MINDY2: variants seen among roughly 807,000 people sequenced by gnomAD.
The protein encoded by MINDY2 is MINDY lysine 48 deubiquitinase 2, also known as ubiquitin carboxyl-terminal hydrolase MINDY-2.
In MINDY2, 52 loss-of-function variants were observed where a neutral mutation model predicts 68.2. The observed-to-expected ratio is 0.76, with a 90% confidence interval of 0.61 to 0.96. The LOEUF (loss-of-function observed/expected upper bound fraction) is 0.96, where lower values mean the gene tolerates loss of function less well. Among genes scored for constraint, MINDY2 ranks in the 40% least tolerant of loss-of-function variants. The pLI is 0.00. For missense variants in MINDY2, 881 were observed against 773.4 expected (o/e 1.14, Z -1.65); for synonymous variants, 372 against 303.0 (o/e 1.23, Z -2.36).
chr15:58,778,275 A>C (rs1567036435), intron 1 of MINDY2, among the ~76,000 whole-genome samples: 1 of 152,172 alleles, frequency 6.6e-6, no homozygotes, highest in African/African-American at 2.4e-5. Context: ...AAATGAATGC[A>C]CTAATTTAAG....
In MINDY2 at chr15:58,847,339, G is replaced by A. The variant is rs2032586308; in HGVS notation, c.1411G>A (p.Glu471Lys). ...GGTAACGGACCAGGGGTTTCTTACT[G>A]AAGAGAAAGTTGTTTGGGAAAGCCT... is the stretch of plus-strand genomic sequence containing the variant. ...LLVTDQGFLTEEKVVWESLHN... is the reference protein window; with the variant it reads ...LLVTDQGFLTKEKVVWESLHN... Residue 471 changes from glutamate to lysine, a missense_variant, in exon 7 of 9, where the codon GAA becomes AAA. Physicochemically the swap from Glu to Lys is moderately conservative, Grantham distance 56. Transcript: ENST00000559228. The A allele has an allele frequency of 6.3e-7, 1 of 1,596,358 alleles. No individual in the cohort carries two copies. The highest frequency in any genetic ancestry group is 8.6e-7 in the Non-Finnish European group (1 of 1,166,574).
At position 58,858,875 on chromosome 15, in the gene MINDY2, C is replaced by T. The variant is rs1044229168; in HGVS notation, c.*4265C>T. 2.0e-5 allele frequency: 3 copies of T among 151,960 alleles called. No homozygotes were observed. Among genetic ancestry groups the T allele is most frequent in the Non-Finnish European group, 2.9e-5 (2 of 67,950 alleles). The allele number at this position is 151,960 out of a possible 1,614,324, so 9.4% of individuals were successfully genotyped here. ...TCTAGATCATTTTGTGTCTATAAACCCGACTTTCTATCTTGCCTTGGGCAA... is the reference window on the plus strand; with the variant it reads ...TCTAGATCATTTTGTGTCTATAAACTCGACTTTCTATCTTGCCTTGGGCAA... On this transcript the variant is annotated 3_prime_UTR_variant, in exon 9 of 9. Transcript: ENST00000559228.
At chr15:58,844,137 T>G (rs2032409794) in intron 6 of MINDY2, among the ~76,000 whole-genome samples, 1 of 152,182 alleles carries the variant, frequency 6.6e-6, no homozygotes, top group Non-Finnish European at 1.5e-5. Flanking sequence ...GCAAGAAATA[T>G]TCTTGATAGT....
intron 6 of MINDY2, among the ~76,000 whole-genome samples, chr15:58,838,731 C>T (rs993258104): frequency 4.4e-4 from 67 of 151,730 alleles, no homozygotes; most frequent in South Asian, 1.5e-3. Flanking sequence ...GGATTACAGG[C>T]GGGTACCACC....
rs1162042668 is a variant in MINDY2, at chr15:58,771,800, C to T, written c.405C>T (p.Leu135=). ...GAGACGCGGGAGCCCGCCCGGATCT[C>T]GCCGGCACCTGCCAAGCAGAACTGA... ...TAGDAGARPD[L]AGTCQAELTA... Residue 135 remains leucine, a synonymous_variant, in exon 1 of 9, where the codon CTC becomes CTT. Transcript: ENST00000559228. 1.2e-6 allele frequency: 2 copies of T among 1,609,948 alleles called. No homozygotes were observed. The highest frequency in any genetic ancestry group is 1.7e-6 in the Non-Finnish European group (2 of 1,178,916).
At chr15:58,849,145 A>G (rs1000150256) in intron 7 of MINDY2, among the ~76,000 whole-genome samples, 1 of 150,186 alleles carries the variant, frequency 6.7e-6, no homozygotes, top group Admixed American at 6.6e-5. Context: ...AGGGGGCGGA[A>G]GTTGCAGTGA....
Position 58,854,677 on chromosome 15 carries a change from A to G in MINDY2, c.*67A>G. 1 of 1,528,892 alleles carries G rather than the reference A, an allele frequency of 6.5e-7. No homozygotes were observed. Among genetic ancestry groups the G allele is most frequent in the South Asian group, 1.2e-5 (1 of 80,180 alleles). 94.7% of individuals were successfully genotyped at this position (1,528,892 alleles called of 1,614,324 possible). On this transcript the variant is annotated 3_prime_UTR_variant, in exon 9 of 9. Transcript: ENST00000559228. ...AACAAAACCACAGGAGGAAAGGAAG[A>G]AAAACCGATCAATACCGTCTGTGCC...
intron 6 of MINDY2, among the ~76,000 whole-genome samples, chr15:58,839,036 C>G (rs185668684): frequency 2.0e-4 from 31 of 152,226 alleles, no homozygotes; most frequent in Admixed American, 1.8e-3. Flanking sequence ...AGTTTCTTTA[C>G]TGGTTGTACC....
At chr15:58,808,389 C>G in intron 3 of MINDY2, among the ~76,000 whole-genome samples, 1 of 152,114 alleles carries the variant, frequency 6.6e-6, no homozygotes, top group Middle Eastern at 3.2e-3. Context: ...TCCCTTAATC[C>G]TTGGCAACCA....
chr15:58,821,169 T>C lies in MINDY2; in HGVS notation c.1123-548T>C, dbSNP rs573040182. On this transcript the variant is annotated intron_variant, in intron 4 of 8. Transcript: ENST00000559228. ...GCATATCCCATCCCCCATTAACATATATTAACTTTTCTTCAGGAAAATAAC... is the reference window on the plus strand; with the variant it reads ...GCATATCCCATCCCCCATTAACATACATTAACTTTTCTTCAGGAAAATAAC... Among the ~76,000 whole-genome samples the C allele has an allele frequency of 2.0e-3, 308 of 151,934 alleles. 2 individuals are homozygous for C. The highest frequency in any genetic ancestry group is 7.0e-3 in the African/African-American group (289 of 41,538).
chr15:58,831,041 G>GTGTGTGTGTATATATATATA lies in MINDY2; in HGVS notation c.1226-732_1226-731insGTGTGTGTATATATATATAT, dbSNP rs565786025. On this transcript the variant is annotated intron_variant, in intron 5 of 8. Transcript: ENST00000559228. ...TGTGTGTGTGTGTGTGTGTGTGTGT[G>GTGTGTGTGTATATATATATA]TATATATATATATATATATGTTTTA... Among the ~76,000 whole-genome samples the GTGTGTGTGTATATATATATA allele has an allele frequency of 7.2e-5, 9 of 124,920 alleles. No individual in the cohort carries two copies. In the South Asian group the frequency reaches 1.0e-3, roughly 14 times the overall value. 82.0% of individuals were successfully genotyped at this position (124,920 alleles called of 152,430 possible). A position where few individuals can be genotyped will look rare whatever the true frequency, so the allele number is the denominator to read the frequency against.
At chr15:58,847,240 A>T in intron 6 of MINDY2, 57 bp from the exon 7 acceptor site, 1 of 1,339,540 alleles carries the variant, frequency 7.5e-7, no homozygotes, top group Non-Finnish European at 1.0e-6. Flanking sequence ...CTTAAATATT[A>T]TATTACTAGT....
chr15:58,831,041 G>GTGTGTGTATATATATA (rs565786025), intron 5 of MINDY2, among the ~76,000 whole-genome samples: 98 of 124,906 alleles, frequency 7.8e-4, no homozygotes, highest in Admixed American at 3.7e-3. Context: ...GTGTGTGTGT[G>GTGTGTGTATATATATA]TATATATATA....
rs577627314 is a variant in MINDY2 at position 58,796,291 on chromosome 15, A to G, written c.899-6022A>G. On this transcript the variant is annotated intron_variant, in intron 2 of 8. Coordinates refer to ENST00000559228, the MANE Select transcript of MINDY2 (RefSeq NM_001040450.3). Reference sequence around the variant, plus strand: ...TTGAGGGTTAGTTGGAAACTATCTTAAGCTCAAGCTAGAGGTGGAAATATG... The same window carrying G: ...TTGAGGGTTAGTTGGAAACTATCTTGAGCTCAAGCTAGAGGTGGAAATATG... 34 of 358,368 alleles carry G rather than the reference A, an allele frequency of 9.5e-5. No homozygotes were observed. The East Asian group carries it at 2.5e-3, about 26-fold the overall frequency. 22.2% of individuals were successfully genotyped at this position (358,368 alleles called of 1,614,324 possible).
chr15:58,839,424 C>G (rs1482949431), intron 6 of MINDY2, among the ~76,000 whole-genome samples: 6 of 152,080 alleles, frequency 3.9e-5, no homozygotes, highest in African/African-American at 9.7e-5. Flanking sequence ...CTCCACCTCC[C>G]CGGTTCAAGT....
At chr15:58,818,365 C>T (rs189155586) in intron 4 of MINDY2, among the ~76,000 whole-genome samples, 14 of 152,280 alleles carry the variant, frequency 9.2e-5, no homozygotes, top group Admixed American at 2.6e-4. Flanking sequence ...CTTAAGCAAT[C>T]CTGTCTCAGC....
chr15:58,773,227 A>G (rs1900558262), intron 1 of MINDY2, among the ~76,000 whole-genome samples: 1 of 152,178 alleles, frequency 6.6e-6, no homozygotes, highest in East Asian at 1.9e-4. Context: ...GACACAAGAC[A>G]ATCGCTTGAG....
At chr15:58,781,452 AAT>A (rs1158228926) in intron 1 of MINDY2, among the ~76,000 whole-genome samples, 3 of 152,236 alleles carry the variant, frequency 2.0e-5, no homozygotes, top group African/African-American at 7.2e-5. Flanking sequence ...TTGCAAATTT[AAT>A]ATGTGTGAAT....
intron 2 of MINDY2, among the ~76,000 whole-genome samples, chr15:58,794,358 G>GGTGTGTGTGTGTGTGTGTGTGT (rs3985718): frequency 2.9e-5 from 4 of 139,112 alleles, no homozygotes; most frequent in African/African-American, 1.1e-4. Flanking sequence ...TTTTTTTTGG[G>GGTGTGTGTGTGTGTGTGTGTGT]GTGTGTGTGT....
Sources: gnomAD v4.1 joint callset for allele counts (sites outside exome capture counted in the v4.1 genomes callset) on GRCh38, gnomAD v4.1.1 for gene constraint, MANE v1.5 for transcripts, NCBI Gene and HGNC (gene_info 2026-07-23, HGNC 2026-07-21) for gene names.